SCARB1: variants seen among roughly 807,000 people sequenced by gnomAD.
SCARB1 encodes scavenger receptor class B member 1, also known as CD36 and LIMPII analogous 1.
Under a neutral mutation model 57.2 loss-of-function variants are expected in SCARB1, and 30 were observed. The ratio of observed to expected loss-of-function variants is 0.52; its 90% CI spans 0.39 to 0.71. The LOEUF (loss-of-function observed/expected upper bound fraction) is 0.71. Among genes scored for constraint, SCARB1 ranks in the 30% least tolerant of loss-of-function variants. SCARB1 has a pLI of 0.00. For missense variants in SCARB1, 543 were observed against 671.2 expected (o/e 0.81, Z 2.11); for synonymous variants, 249 against 268.3 (o/e 0.93, Z 0.70).
chr12:124,798,050 C>T (rs756808088), intron 8 of SCARB1, among the ~76,000 whole-genome samples: 2 of 152,202 alleles, frequency 1.3e-5, no homozygotes, highest in East Asian at 1.9e-4. Flanking sequence ...GCGAAGTGTC[C>T]GTCAGTGAAT....
At chr12:124,778,693 C>A in intron 12 of SCARB1, 107 bp from the exon 13 acceptor site, 3 of 1,130,064 alleles carry the variant, frequency 2.7e-6, no homozygotes, top group South Asian at 2.9e-5. Context: ...AGAGACTCCA[C>A]CCCCGCCACC....
chr12:124,786,922 G>C lies in SCARB1; in HGVS notation c.1255-419C>G, dbSNP rs139341337. Among the ~76,000 whole-genome samples the C allele has an allele frequency of 2.0e-4, 31 of 152,312 alleles. No individual in the cohort carries two copies. The East Asian group carries it at 3.3e-3, about 16-fold the overall frequency. ...GTAGGAAGTAAACTTGACATTCGGA[G>C]GCTTGTTTGTCCTGGCCATTAGCTA... is the stretch of plus-strand genomic sequence containing the variant. On this transcript the variant is annotated intron_variant, in intron 10 of 12. Transcript: ENST00000261693.
chr12:124,815,122 G>A lies in SCARB1; in HGVS notation c.285-8C>T, dbSNP rs779955254. 2 of 1,612,814 alleles carry A rather than the reference G, an allele frequency of 1.2e-6. No individual in the cohort carries two copies. The highest frequency in any genetic ancestry group is 2.2e-5 in the East Asian group (1 of 44,882). On this transcript the variant is annotated splice_polypyrimidine_tract_variant and splice_region_variant and intron_variant, in intron 2 of 12. Coordinates refer to ENST00000261693, the MANE Select transcript of SCARB1 (RefSeq NM_005505.5). ...CTTTTGTGCCTGAACTCCCTGTGGGGGAAGCCAGTGGGTCAGACGCCCCGC... is the reference window on the plus strand; with the variant it reads ...CTTTTGTGCCTGAACTCCCTGTGGGAGAAGCCAGTGGGTCAGACGCCCCGC...
At chr12:124,818,498 A>G (rs1487443002) in intron 1 of SCARB1, among the ~76,000 whole-genome samples, 3 of 151,938 alleles carry the variant, frequency 2.0e-5, no homozygotes, top group Non-Finnish European at 4.4e-5. Context: ...ATGGAGTCTC[A>G]CTCTGTTGCC....
chr12:124,783,880 C>A (rs1423134351), intron 11 of SCARB1: 1 of 152,210 alleles, frequency 6.6e-6, no homozygotes, highest in Non-Finnish European at 1.5e-5. Context: ...ACTTACGTGG[C>A]CTCCAGTGAA....
intron 6 of SCARB1, among the ~76,000 whole-genome samples, chr12:124,809,739 G>A (rs1207094018): frequency 1.3e-5 from 2 of 152,176 alleles, no homozygotes; most frequent in Admixed American, 1.3e-4. Context: ...GGCTGTAGGA[G>A]CCACCCACTG....
intron 1 of SCARB1, among the ~76,000 whole-genome samples, chr12:124,823,186 G>C (rs892354340): frequency 6.6e-6 from 1 of 152,160 alleles, no homozygotes; most frequent in Admixed American, 6.6e-5. Flanking sequence ...GGTTACCCGG[G>C]ACTATGTTCA....
chr12:124,778,448 C>T lies in SCARB1; in HGVS notation c.*139G>A. 7.5e-7 allele frequency: 1 copy of T among 1,325,020 alleles called. No individual in the cohort carries two copies. Among genetic ancestry groups the T allele is most frequent in the Non-Finnish European group, 9.7e-7 (1 of 1,035,492 alleles). The allele number at this position is 1,325,020 out of a possible 1,614,324, so 82.1% of individuals were successfully genotyped here. A position where few individuals can be genotyped will look rare whatever the true frequency, so the allele number is the denominator to read the frequency against. ...GGCGTGTGTGCAGGTGTGCAACAGG[C>T]ACATGGCAGCTGGGAGGCTCAGGCT... On this transcript the variant is annotated 3_prime_UTR_variant, in exon 13 of 13. Transcript: ENST00000261693.
intron 1 of SCARB1, among the ~76,000 whole-genome samples, chr12:124,853,310 A>G (rs1360810945): frequency 6.6e-6 from 1 of 152,124 alleles, no homozygotes; most frequent in African/African-American, 2.4e-5. Flanking sequence ...AGGGCCCACG[A>G]AAATGAGGCT....
At chr12:124,786,850 GA>G (rs1213640446) in intron 10 of SCARB1, among the ~76,000 whole-genome samples, 4 of 152,228 alleles carry the variant, frequency 2.6e-5, no homozygotes, top group African/African-American at 9.6e-5. Context: ...TGACTGCAGG[GA>G]GCAGAGCTCT....
rs574370861 is a variant in SCARB1, at chr12:124,839,283, G to A, written c.127-21576C>T. On this transcript the variant is annotated intron_variant, in intron 1 of 12. Coordinates refer to ENST00000261693, the MANE Select transcript of SCARB1 (RefSeq NM_005505.5). ...TCTCTGTGGATCTGGCTACTCTAGG[G>A]AGCTCATGCAAATGGAATCGTACGG... The A allele has an allele frequency of 1.1e-5, 5 of 455,428 alleles. No homozygotes were observed. In the East Asian group the frequency reaches 3.5e-4, roughly 32 times the overall value. The allele number at this position is 455,428 out of a possible 1,614,324, so 28.2% of individuals were successfully genotyped here. A position where few individuals can be genotyped will look rare whatever the true frequency, so the allele number is the denominator to read the frequency against.
chr12:124,863,607 C>T lies in SCARB1; in HGVS notation c.114G>A (p.Gln38=). 1.2e-6 allele frequency: 2 copies of T among 1,602,810 alleles called. No individual in the cohort carries two copies. Among genetic ancestry groups the T allele is most frequent in the Non-Finnish European group, 1.7e-6 (2 of 1,174,870 alleles). Reference sequence around the variant, plus strand: ...CTCCCTCACCCACCTTAAGGACCTGCTGCTTGATGAGCGACGGCACCATCA... The same window carrying T: ...CTCCCTCACCCACCTTAAGGACCTGTTGCTTGATGAGCGACGGCACCATCA... ...MIVMVPSLIK[Q]QVLKNVRIDP... is the part of the protein sequence containing the mutation. Residue 38 remains glutamine (Q), a synonymous_variant, in exon 1 of 13, where the codon CAG becomes CAA. Transcript: ENST00000261693.
At chr12:124,781,887 G>A (rs1213969095) in intron 12 of SCARB1, among the ~76,000 whole-genome samples, 1 of 151,906 alleles carries the variant, frequency 6.6e-6, no homozygotes, top group South Asian at 2.1e-4. Flanking sequence ...CATCCCAGAT[G>A]TATTTATTTA....
intron 1 of SCARB1, among the ~76,000 whole-genome samples, chr12:124,826,829 G>A (rs1206636384): frequency 2.0e-5 from 3 of 152,036 alleles, no homozygotes; most frequent in African/African-American, 7.2e-5. Context: ...CAATTGACAT[G>A]GGCCTCTTGA....
At chr12:124,805,696 C>T (rs1189658822) in intron 7 of SCARB1, among the ~76,000 whole-genome samples, 1 of 149,774 alleles carries the variant, frequency 6.7e-6, no homozygotes, top group East Asian at 2.0e-4. Context: ...GTAGCTAGGA[C>T]TACAGGCATG....
intron 1 of SCARB1, among the ~76,000 whole-genome samples, chr12:124,844,167 T>C (rs564940433): frequency 1.3e-5 from 2 of 152,084 alleles, no homozygotes; most frequent in African/African-American, 4.8e-5. Context: ...TACAACAGGA[T>C]GAACATGAAT....
At chr12:124,787,544 GT>G in intron 9 of SCARB1, 87 bp from the exon 10 acceptor site, 2 of 1,221,592 alleles carry the variant, frequency 1.6e-6, no homozygotes, top group Non-Finnish European at 2.4e-6. Flanking sequence ...ATCTAAACAG[GT>G]TTAGTATAAT....
chr12:124,830,843 C>T (rs1451534470), intron 1 of SCARB1, among the ~76,000 whole-genome samples: 1 of 152,164 alleles, frequency 6.6e-6, no homozygotes, highest in Non-Finnish European at 1.5e-5. Context: ...GACAGAGTCT[C>T]ACTCTGTCGC....
At chr12:124,784,083 G>C (rs1211586743) in intron 11 of SCARB1, 1 of 152,332 alleles carries the variant, frequency 6.6e-6, no homozygotes, top group Non-Finnish European at 1.5e-5. Flanking sequence ...AGAGGGATGA[G>C]GCTGTCATGG....
Sources: allele counts gnomAD v4.1 joint callset (sites outside exome capture counted in the v4.1 genomes callset), GRCh38; gene constraint gnomAD v4.1.1; transcripts MANE v1.5; gene names NCBI Gene and HGNC (gene_info 2026-07-23, HGNC 2026-07-21).